SLC7A5: variants seen among roughly 807,000 people sequenced by gnomAD.
The protein encoded by SLC7A5 is large neutral amino acids transporter small subunit 1.
Under a neutral mutation model 50.2 loss-of-function variants are expected in SLC7A5, and 23 were observed. The observed-to-expected ratio is 0.46, with a 90% CI of 0.33 to 0.65. SLC7A5 has a LOEUF of 0.65. Ranked by LOEUF, SLC7A5 falls within the 30% of genes least tolerant of loss-of-function variation. The pLI, the probability that SLC7A5 is intolerant of heterozygous loss-of-function variation, is 0.02. For missense variants in SLC7A5, 578 were observed against 684.4 expected (o/e 0.84, Z 1.73); for synonymous variants, 393 against 330.6 (o/e 1.19, Z -2.05).
In SLC7A5 at chr16:87,833,856, C is replaced by T. The variant is rs62055659; in HGVS notation, c.1468+558G>A. 8.0e-6 allele frequency among the ~76,000 whole-genome samples: 1 copy of T among 125,336 alleles called. No homozygotes were observed. Among genetic ancestry groups the T allele is most frequent in the Admixed American group, 8.2e-5 (1 of 12,164 alleles). The allele number at this position is 125,336 out of a possible 152,430, so 82.2% of individuals were successfully genotyped here. On this transcript the variant is annotated intron_variant, in intron 9 of 9. Coordinates refer to ENST00000261622, the MANE Select transcript of SLC7A5 (RefSeq NM_003486.7). The surrounding 1 kb of genome is among the most constrained non-coding windows in gnomAD (Gnocchi z 6.0). ...GCCGGGGGGCGGGTTTCTCCTTCTG[C>T]CTTTTTTTTTTTTTTTGAGAAGAGT...
At chr16:87,839,940 C>T (rs994580581) in intron 4 of SLC7A5, 115 bp from the exon 5 acceptor site, 4 of 1,414,554 alleles carry the variant, frequency 2.8e-6, no homozygotes, top group East Asian at 2.4e-5. Flanking sequence ...CTGTGCTGGG[C>T]TTCTCGGGGA....
chr16:87,852,930 C>T lies in SLC7A5; in HGVS notation c.539-1081G>A, dbSNP rs111878396. ...GCACTACCCTTCACTCCTCTGCTCA[C>T]GAGGTTATCTGTCGCTGTCAGCAGC... On this transcript the variant is annotated intron_variant, in intron 1 of 9. Coordinates refer to ENST00000261622, the MANE Select transcript of SLC7A5 (RefSeq NM_003486.7). The surrounding 1 kb of genome is among the most constrained non-coding windows in gnomAD (Gnocchi z 4.5). 9.2e-5 allele frequency among the ~76,000 whole-genome samples: 14 copies of T among 152,294 alleles called. No individual in the cohort carries two copies. In the East Asian group the frequency reaches 9.7e-4, roughly 11 times the overall value.
In SLC7A5 at chr16:87,837,551, C is replaced by A. The variant is rs1320362019; in HGVS notation, c.1140+294G>T. ...GCTGAGAAACGAACAGAGTGGGCGC[C>A]CACGGAGGTGCAGTGAGCCAGGCGG... On this transcript the variant is annotated intron_variant, in intron 7 of 9. Coordinates refer to ENST00000261622, the MANE Select transcript of SLC7A5 (RefSeq NM_003486.7). 8.9e-6 allele frequency: 4 copies of A among 448,956 alleles called. No individual in the cohort carries two copies. In the East Asian group the frequency reaches 1.6e-4, roughly 18 times the overall value. The allele number at this position is 448,956 out of a possible 1,614,324, so 27.8% of individuals were successfully genotyped here.
intron 5 of SLC7A5, 138 bp downstream of exon 5, chr16:87,839,564 G>T: frequency 1.7e-6 from 2 of 1,203,086 alleles, no homozygotes; most frequent in East Asian, 2.4e-5. Flanking sequence ...CACCCCTCCG[G>T]GTAGGGGAGG....
At chr16:87,854,511 A>G (rs1228111549) in intron 1 of SLC7A5, among the ~76,000 whole-genome samples, 1 of 152,216 alleles carries the variant, frequency 6.6e-6, no homozygotes, top group East Asian at 1.9e-4. Flanking sequence ...CCCTGCTGGC[A>G]CTTGCCCTCT....
chr16:87,856,482 C>G (rs34668694), intron 1 of SLC7A5, among the ~76,000 whole-genome samples: 1 of 152,212 alleles, frequency 6.6e-6, no homozygotes, highest in African/African-American at 2.4e-5. Context: ...ACCACAGCAA[C>G]TACAGCTGGC....
chr16:87,859,120 C>A (rs897631896), intron 1 of SLC7A5, among the ~76,000 whole-genome samples: 4 of 152,228 alleles, frequency 2.6e-5, no homozygotes, highest in African/African-American at 7.2e-5. Context: ...CAAAGACCCA[C>A]GTCACCCCAG....
At chr16:87,859,880 G>T (rs1448328831) in intron 1 of SLC7A5, among the ~76,000 whole-genome samples, 1 of 152,112 alleles carries the variant, frequency 6.6e-6, no homozygotes, top group Non-Finnish European at 1.5e-5. Flanking sequence ...GCAGTGAGCT[G>T]AGATCATGCC....
chr16:87,863,914 G>A (rs1597519297), intron 1 of SLC7A5, among the ~76,000 whole-genome samples: 3 of 147,990 alleles, frequency 2.0e-5, no homozygotes, highest in South Asian at 2.1e-4. Context: ...CAAGGAATAA[G>A]GGGGTAAAAG....
chr16:87,832,025 A>G lies in SLC7A5; in HGVS notation c.*945T>C, dbSNP rs1015249706. On this transcript the variant is annotated 3_prime_UTR_variant, in exon 10 of 10. Transcript: ENST00000261622. The surrounding 1 kb of genome is among the most constrained non-coding windows in gnomAD (Gnocchi z 4.6). ...TGCCGGGCGGTACAGAGGCCAATGC[A>G]TTGGAGGCTGAGGGTAGCTGCGACC... The G allele has an allele frequency of 6.6e-6, 1 of 152,390 alleles. No homozygotes were observed. Among genetic ancestry groups the G allele is most frequent in the African/African-American group, 2.4e-5 (1 of 41,436 alleles). 9.4% of individuals were successfully genotyped at this position (152,390 alleles called of 1,614,324 possible).
chr16:87,838,303 T>TG (rs1247175455), intron 6 of SLC7A5, among the ~76,000 whole-genome samples: 9 of 150,218 alleles, frequency 6.0e-5, no homozygotes, highest in African/African-American at 2.2e-4. Context: ...TTTTTTTTTT[T>TG]TTTTTTTTGA....
rs563402911 is a variant in SLC7A5 at position 87,848,195 on chromosome 16, A to C, written c.664+3529T>G. Reference sequence around the variant, plus strand: ...TACAATGTGGGAGGAGAAGGAAAAGAAAGTTTTTATGCAACCTTTTTTTTA... The same window carrying C: ...TACAATGTGGGAGGAGAAGGAAAAGCAAGTTTTTATGCAACCTTTTTTTTA... On this transcript the variant is annotated intron_variant, in intron 2 of 9. Coordinates refer to ENST00000261622, the MANE Select transcript of SLC7A5 (RefSeq NM_003486.7). Among the ~76,000 whole-genome samples the C allele has an allele frequency of 2.0e-5, 3 of 152,376 alleles. No individual in the cohort carries two copies. In the South Asian group the frequency reaches 6.2e-4, roughly 32 times the overall value.
At chr16:87,847,990 C>T (rs2055174740) in intron 2 of SLC7A5, among the ~76,000 whole-genome samples, 1 of 152,200 alleles carries the variant, frequency 6.6e-6, no homozygotes, top group Non-Finnish European at 1.5e-5. Flanking sequence ...GGACCCAGGG[C>T]CCAGCAGCTC....
chr16:87,838,391 A>G (rs2055039411), intron 6 of SLC7A5, among the ~76,000 whole-genome samples: 1 of 148,342 alleles, frequency 6.7e-6, no homozygotes, highest in African/African-American at 2.5e-5. Flanking sequence ...TTCTGGTCTC[A>G]AGCAATCCTT....
In SLC7A5 at chr16:87,841,103, A is replaced by G. The variant is rs1387831081; in HGVS notation, c.717T>C (p.Asp239=). Residue 239 remains aspartate, a synonymous_variant, in exon 3 of 10, where the codon GAT becomes GAC. Coordinates refer to ENST00000261622, the MANE Select transcript of SLC7A5 (RefSeq NM_003486.7). The surrounding 1 kb of genome is among the most constrained non-coding windows in gnomAD (Gnocchi z 4.8). ...ATAATGCCAGCACAATGTTCCCCAC[A>G]TCCAGTTTGGTGCCTTCAAATGAGA... ...PNFSFEGTKL[D]VGNIVLALYS... 3.7e-6 allele frequency: 6 copies of G among 1,613,990 alleles called. No homozygotes were observed. Among genetic ancestry groups the G allele is most frequent in the Non-Finnish European group, 5.1e-6 (6 of 1,179,972 alleles).
rs1341181788 is a variant in SLC7A5 at position 87,862,543 on chromosome 16, G to A, written c.538+6342C>T. 6.6e-6 allele frequency among the ~76,000 whole-genome samples: 1 copy of A among 152,248 alleles called. No individual in the cohort carries two copies. The highest frequency in any genetic ancestry group is 2.1e-4 in the South Asian group (1 of 4,838). The stretch of plus-strand genomic sequence containing the variant: ...CAGACTAAAGGAAACCCTGGCTCCT[G>A]TCTCTGGCTCTTCCCTCCCTCTCTT... On this transcript the variant is annotated intron_variant, in intron 1 of 9. Coordinates refer to ENST00000261622, the MANE Select transcript of SLC7A5 (RefSeq NM_003486.7). The surrounding 1 kb of genome is among the most constrained non-coding windows in gnomAD (Gnocchi z 5.3).
rs1183446518 is a variant in SLC7A5, at chr16:87,860,557, A to G, written c.538+8328T>C. On this transcript the variant is annotated intron_variant, in intron 1 of 9. Transcript: ENST00000261622. This position sits in a 1 kb window ranked among gnomAD's most constrained non-coding sequence, Gnocchi z 4.8. ...AACTTCTGTCCTTGTAGGAGGTATG[A>G]ACTCCAGCTGTGGCCCACCCCCTGG... Among the ~76,000 whole-genome samples the G allele has an allele frequency of 6.6e-6, 1 of 151,932 alleles. No individual in the cohort carries two copies. The highest frequency in any genetic ancestry group is 2.4e-5 in the African/African-American group (1 of 41,262).
rs2055377444 is a variant in SLC7A5 at position 87,860,339 on chromosome 16, AATAC to A, written c.539-8494_539-8491del. Among the ~76,000 whole-genome samples, 3 of 108,214 alleles carry A rather than the reference AATAC, an allele frequency of 2.8e-5. No individual in the cohort carries two copies. Among genetic ancestry groups the A allele is most frequent in the Non-Finnish European group, 5.4e-5 (3 of 55,118 alleles). 71.0% of individuals were successfully genotyped at this position (108,214 alleles called of 152,430 possible). A position where few individuals can be genotyped will look rare whatever the true frequency, so the allele number is the denominator to read the frequency against. ...CAAAAGCATCTCAAAAAAAAAAAAA[AATAC>A]ACACACACACACACACACACACACA... On this transcript the variant is annotated intron_variant, in intron 1 of 9. Coordinates refer to ENST00000261622, the MANE Select transcript of SLC7A5 (RefSeq NM_003486.7). This position sits in a 1 kb window ranked among gnomAD's most constrained non-coding sequence, Gnocchi z 4.8.
At chr16:87,834,924 A>G (rs1435218512) in intron 8 of SLC7A5, among the ~76,000 whole-genome samples, 4 of 152,244 alleles carry the variant, frequency 2.6e-5, no homozygotes, top group African/African-American at 4.8e-5. Context: ...CAGGACGCAC[A>G]GGGGCCTGAT....
Sources: gnomAD v4.1 joint callset for allele counts (sites outside exome capture counted in the v4.1 genomes callset) on GRCh38, gnomAD v4.1.1 for gene constraint, Gnocchi (gnomAD v3.1) non-coding constraint, MANE v1.5 for transcripts, NCBI Gene and HGNC (gene_info 2026-07-23, HGNC 2026-07-21) for gene names.